NIN: variants seen among roughly 807,000 people sequenced by gnomAD.
The protein encoded by NIN is glycogen synthase kinase 3 beta-interacting protein.
NIN carries 137 observed loss-of-function variants against 257.6 expected under a neutral mutation model. The observed-to-expected ratio is 0.53, with a 90% CI of 0.46 to 0.61. The LOEUF (loss-of-function observed/expected upper bound fraction) is 0.61. Among genes scored for constraint, NIN ranks in the 20% least tolerant of loss-of-function variants. NIN has a pLI of 0.00. For missense variants in NIN, 2,439 were observed against 2,501.2 expected (o/e 0.98, Z 0.53); for synonymous variants, 918 against 919.8 (o/e 1.00, Z 0.04).
Position 50,744,369 on chromosome 14 carries a change from T to C in NIN, c.5065-4A>G, listed in dbSNP as rs746453560. On this transcript the variant is annotated splice_region_variant and splice_polypyrimidine_tract_variant and intron_variant, in intron 22 of 30. Coordinates refer to ENST00000530997, the MANE Select transcript of NIN (RefSeq NM_020921.4). ...AGAGATCGGGACATCTGTGCAGCTG[T>C]AAGAGATAAACAAATGAGCCCTCCC... 2 of 1,613,464 alleles carry C rather than the reference T, an allele frequency of 1.2e-6. No homozygotes were observed. Among genetic ancestry groups the C allele is most frequent in the Non-Finnish European group, 1.7e-6 (2 of 1,179,714 alleles).
At position 50,770,511 on chromosome 14, in the gene NIN, G is replaced by A; in HGVS notation, c.1311C>T (p.Leu437=). ...KERIAALKNE[L]RKEREQILQQ... is the part of the protein sequence containing the mutation. ...GCAGGATCTGCTCTCTCTCTTTTCG[G>A]AGTTCATTTTTTAAGGCTGCTATTC... Residue 437 remains leucine, a synonymous_variant, in exon 12 of 31, where the codon CTC becomes CTT. Coordinates refer to ENST00000530997, the MANE Select transcript of NIN (RefSeq NM_020921.4). 6.2e-7 allele frequency: 1 copy of A among 1,614,154 alleles called. No homozygotes were observed. The highest frequency in any genetic ancestry group is 8.5e-7 in the Non-Finnish European group (1 of 1,180,030).
At chr14:50,735,871 GA>G (rs2040949925) in intron 27 of NIN, among the ~76,000 whole-genome samples, 1 of 152,144 alleles carries the variant, frequency 6.6e-6, no homozygotes, top group Admixed American at 6.5e-5. Context: ...CCCACTGTAA[GA>G]AATACGTTTT....
chr14:50,738,673 T>C (rs2041123101), intron 26 of NIN, among the ~76,000 whole-genome samples: 1 of 152,202 alleles, frequency 6.6e-6, no homozygotes, highest in Admixed American at 6.5e-5. Flanking sequence ...ATTGGACTAT[T>C]CACATCTAAA....
intron 8 of NIN, among the ~76,000 whole-genome samples, 157 bp from the exon 9 acceptor site, chr14:50,772,625 G>A (rs1220583772): frequency 6.6e-6 from 1 of 152,184 alleles, no homozygotes; most frequent in African/African-American, 2.4e-5. Flanking sequence ...GTTCCCAACT[G>A]AGTCAAGCCT....
At chr14:50,814,566 CAAGAGCTG>C (rs1566876500) in intron 3 of NIN, among the ~76,000 whole-genome samples, 1 of 152,082 alleles carries the variant, frequency 6.6e-6, no homozygotes, top group African/African-American at 2.4e-5. Context: ...TAAAAAGTGG[CAAGAGCTG>C]AATAGCCAAG....
intron 22 of NIN, among the ~76,000 whole-genome samples, chr14:50,746,206 C>T (rs191495881): frequency 1.9e-4 from 29 of 152,196 alleles, no homozygotes; most frequent in African/African-American, 6.0e-4. Context: ...GGCTGAACAA[C>T]AGACAGGCTT....
intron 4 of NIN, among the ~76,000 whole-genome samples, chr14:50,799,323 C>T (rs1017965217): frequency 6.6e-6 from 1 of 152,158 alleles, no homozygotes; most frequent in African/African-American, 2.4e-5. Context: ...GGAGCTCCAG[C>T]CACACTCTGG....
Position 50,739,362 on chromosome 14 carries a change from C to G in NIN, c.5574G>C (p.Arg1858Ser). ...TGGTGTTCTGTACCATGGTCTGGAG[C>G]CTCTCATTCTCTTGCCAAAGCAGCT... ...EQQLLWQENE[R>S]LQTMVQNTKA... Residue 1858 changes from arginine (R) to serine (S), a missense_variant, in exon 26 of 31, where the codon AGG (arginine) becomes AGC (serine). Arg to Ser is a moderately radical substitution (Grantham distance 110). Coordinates refer to ENST00000530997, the MANE Select transcript of NIN (RefSeq NM_020921.4). The G allele has an allele frequency of 6.2e-7, 1 of 1,614,204 alleles. No individual in the cohort carries two copies. Among genetic ancestry groups the G allele is most frequent in the Non-Finnish European group, 8.5e-7 (1 of 1,180,040 alleles).
chr14:50,766,235 G>C, intron 14 of NIN, 72 bp downstream of exon 14: 1 of 1,132,050 alleles, frequency 8.8e-7, no homozygotes, highest in Non-Finnish European at 1.3e-6. Context: ...GGGTCACAGA[G>C]CTAGGGAACG....
At position 50,771,312 on chromosome 14, in the gene NIN, G is replaced by A. The variant is rs754209896; in HGVS notation, c.1118+20C>T. On this transcript the variant is annotated intron_variant, in intron 10 of 30. Transcript: ENST00000530997. ...AAGTAGGAAAGGGAATGGGGCAGGC[G>A]AACCTTCTGCTCAACTCACAACAAA... 14 of 1,612,102 alleles carry A rather than the reference G, an allele frequency of 8.7e-6. No homozygotes were observed. Among genetic ancestry groups the A allele is most frequent in the African/African-American group, 5.3e-5 (4 of 74,844 alleles).
At chr14:50,724,315 G>A (rs2040334857) in intron 30 of NIN, 2 of 208,670 alleles carry the variant, frequency 9.6e-6, no homozygotes, top group South Asian at 1.9e-4. Flanking sequence ...CCCTTCCCAT[G>A]TTACAAGTGT....
chr14:50,779,513 C>A (rs1475316851), intron 5 of NIN, among the ~76,000 whole-genome samples: 1 of 152,168 alleles, frequency 6.6e-6, no homozygotes, highest in African/African-American at 2.4e-5. Context: ...AATCCCAGCA[C>A]TTTGGGAGGC....
Position 50,755,648 on chromosome 14 carries a change from C to CTT in NIN, c.4539-783_4539-782dup, listed in dbSNP as rs71118900. ...TAAATTTCCACTGTTTGTTTTGTCT[C>CTT]TTTTTTTTTTTTTTTTTTTTTTTTT... On this transcript the variant is annotated intron_variant, in intron 18 of 30. Transcript: ENST00000530997. Among the ~76,000 whole-genome samples, 165 of 79,988 alleles carry CTT rather than the reference C, an allele frequency of 2.1e-3. 6 individuals are homozygous for CTT. The highest frequency in any genetic ancestry group is 9.1e-3 in the African/African-American group (140 of 15,436). 52.5% of individuals were successfully genotyped at this position (79,988 alleles called of 152,430 possible).
chr14:50,824,034 G>A (rs899617826), intron 2 of NIN, among the ~76,000 whole-genome samples: 5 of 152,108 alleles, frequency 3.3e-5, no homozygotes, highest in African/African-American at 4.8e-5. Flanking sequence ...TCAGTGTTGC[G>A]GTAGCTCTTA....
Position 50,771,450 on chromosome 14 carries a change from C to G in NIN, c.1000G>C (p.Asp334His). The G allele has an allele frequency of 6.2e-7, 1 of 1,613,988 alleles. No individual in the cohort carries two copies. ...EILKALDFSL[D>H]GNINLTELTL... ...AATTCTGTCAAATTGATGTTTCCATCGAGGCTGAAATCCAAGGCCTAGAAA... is the reference window on the plus strand; with the variant it reads ...AATTCTGTCAAATTGATGTTTCCATGGAGGCTGAAATCCAAGGCCTAGAAA... The change falls in exon 10 of 31, where the codon GAT becomes CAT. Residue 334 changes from aspartate (D) to histidine (H), a missense_variant. By Grantham distance (81) the Asp-to-His change is moderately conservative. This residue lies in a region of NIN where 387 missense variants were observed against 427.3 expected (regional missense o/e 0.91). Coordinates refer to ENST00000530997, the MANE Select transcript of NIN (RefSeq NM_020921.4).
intron 7 of NIN, among the ~76,000 whole-genome samples, chr14:50,773,489 T>C (rs1286367356): frequency 1.3e-5 from 2 of 152,244 alleles, no homozygotes; most frequent in Admixed American, 1.3e-4. Flanking sequence ...TGTTACACTT[T>C]TATACTGTGG....
intron 4 of NIN, among the ~76,000 whole-genome samples, chr14:50,801,492 C>T (rs747054764): frequency 2.0e-5 from 3 of 152,138 alleles, no homozygotes; most frequent in Admixed American, 1.3e-4. Context: ...CTTACTTAAC[C>T]AACAGAAGAC....
At position 50,721,007 on chromosome 14, in the gene NIN, ATTT is replaced by A. The variant is rs545831463; in HGVS notation, c.*2453_*2455del. 5.6e-3 allele frequency: 1,072 copies of A among 191,534 alleles called. 6 individuals carry two copies. Among genetic ancestry groups the A allele is most frequent in the Middle Eastern group, 0.018 (10 of 546 alleles). 11.9% of individuals were successfully genotyped at this position (191,534 alleles called of 1,614,324 possible). ...GTAAAGTTTGAAACAAGATCTAAAC[ATTT>A]TTAAGTTTACATTTAATGTCTTTAA... On this transcript the variant is annotated 3_prime_UTR_variant, in exon 31 of 31. Transcript: ENST00000530997.
Position 50,723,380 on chromosome 14 carries a change from G to C in NIN, c.*83C>G, listed in dbSNP as rs2040306332. 8.2e-7 allele frequency: 1 copy of C among 1,220,414 alleles called. No homozygotes were observed. The highest frequency in any genetic ancestry group is 1.5e-5 in the African/African-American group (1 of 66,442). 75.6% of individuals were successfully genotyped at this position (1,220,414 alleles called of 1,614,324 possible). A position where few individuals can be genotyped will look rare whatever the true frequency, so the allele number is the denominator to read the frequency against. Reference sequence around the variant, plus strand: ...TTGTGTTGCTGGCAGTTTTAGGTTAGGCTTAATTTTAAGTTGAGAACCTAC... The same window carrying C: ...TTGTGTTGCTGGCAGTTTTAGGTTACGCTTAATTTTAAGTTGAGAACCTAC... On this transcript the variant is annotated 3_prime_UTR_variant, in exon 31 of 31. Transcript: ENST00000530997.
Sources: allele counts gnomAD v4.1 joint callset (sites outside exome capture counted in the v4.1 genomes callset), GRCh38; gene constraint gnomAD v4.1.1; regional missense constraint gnomAD v4.1.1; transcripts MANE v1.5; gene names NCBI Gene and HGNC (gene_info 2026-07-23, HGNC 2026-07-21).